The following ATP1B2 variants were observed in gnomAD, a reference collection of about 807,000 sequenced individuals.
ATP1B2 encodes ATPase Na+/K+ transporting subunit beta 2.
ATP1B2 carries 12 observed loss-of-function variants against 37.3 expected under a neutral mutation model. The ratio of observed to expected loss-of-function variants is 0.32; its 90% CI spans 0.21 to 0.52. The LOEUF (loss-of-function observed/expected upper bound fraction) is 0.52, where lower values mean the gene tolerates loss of function less well. Among genes scored for constraint, ATP1B2 ranks in the 20% least tolerant of loss-of-function variants. The probability of loss-of-function intolerance (pLI) is 0.96; values close to 1 mark genes in which losing one functional copy is unlikely to be tolerated. For missense variants in ATP1B2, 324 were observed against 391.6 expected (o/e 0.83, Z 1.46); for synonymous variants, 139 against 140.5 (o/e 0.99, Z 0.07).
intron 2 of ATP1B2, 43 bp downstream of exon 2, chr17:7,653,545 T>C (rs2150978028): frequency 1.2e-6 from 2 of 1,609,198 alleles, no homozygotes; most frequent in African/African-American, 1.3e-5. Context: ...TAACTGCTCT[T>C]GTGCCCCCAA....
At chr17:7,649,997 T>G (rs2072599780), upstream of ATP1B2, among the ~76,000 whole-genome samples, 1 of 152,168 alleles carries the variant, frequency 6.6e-6, no homozygotes, top group African/African-American at 2.4e-5. Flanking sequence ...CGGCTTGAGA[T>G]AATGATTCTT....
At chr17:7,650,388 T>C (rs149870833), upstream of ATP1B2, among the ~76,000 whole-genome samples, 77 of 152,198 alleles carry the variant, frequency 5.1e-4, no homozygotes, top group Admixed American at 3.7e-3. Context: ...GGGGGACTGG[T>C]AGCGGCTCCC....
chr17:7,655,018 C>T lies in ATP1B2; in HGVS notation c.609+334C>T, dbSNP rs1190317874. Among the ~76,000 whole-genome samples the T allele has an allele frequency of 2.0e-5, 3 of 152,104 alleles. No individual in the cohort carries two copies. The highest frequency in any genetic ancestry group is 7.2e-5 in the African/African-American group (3 of 41,422). ...CCAGATTGTCCGTATCGTTCGCTCT[C>T]CCTCCCATATGGCCCCCACCCGTCA... On this transcript the variant is annotated intron_variant, in intron 5 of 6. Coordinates refer to ENST00000250111, the MANE Select transcript of ATP1B2 (RefSeq NM_001678.5). This position sits in a 1 kb window ranked among gnomAD's most constrained non-coding sequence, Gnocchi z 4.4.
upstream of ATP1B2, among the ~76,000 whole-genome samples, chr17:7,647,559 G>A (rs924562206): frequency 2.0e-5 from 3 of 151,924 alleles, no homozygotes; most frequent in Non-Finnish European, 4.4e-5. Context: ...GGTGGCTCAC[G>A]CCTGTAATCC....
intron 1 of ATP1B2, among the ~76,000 whole-genome samples, chr17:7,651,981 G>A (rs1452134675): frequency 6.6e-6 from 1 of 152,040 alleles, no homozygotes; most frequent in Non-Finnish European, 1.5e-5. Context: ...CCCTCCCTCC[G>A]GCTCTCACTA....
Position 7,654,607 on chromosome 17 carries a change from C to G in ATP1B2, c.553-21C>G. The G allele has an allele frequency of 6.2e-7, 1 of 1,613,748 alleles. No individual in the cohort carries two copies. On this transcript the variant is annotated intron_variant, in intron 4 of 6. Transcript: ENST00000250111. This position sits in a 1 kb window ranked among gnomAD's most constrained non-coding sequence, Gnocchi z 4.9. ...GACAACTTCTTCCTCTGACTCTCTT[C>G]ACCTTCCACCCTCACTCCAGGTCAT...
upstream of ATP1B2, among the ~76,000 whole-genome samples, chr17:7,650,424 G>T (rs1296793327): frequency 6.6e-6 from 1 of 152,108 alleles, no homozygotes; most frequent in Non-Finnish European, 1.5e-5. Flanking sequence ...CTCTGGGGGT[G>T]GCCTTTATCC....
At chr17:7,648,870 T>C (rs1182118780), upstream of ATP1B2, among the ~76,000 whole-genome samples, 7 of 152,138 alleles carry the variant, frequency 4.6e-5, no homozygotes, top group African/African-American at 1.7e-4. Flanking sequence ...ACACCCATGC[T>C]GTGTCCCCAA....
chr17:7,651,607 T>C lies in ATP1B2; in HGVS notation c.89T>C (p.Met30Thr). 1 of 1,604,650 alleles carries C rather than the reference T, an allele frequency of 6.2e-7. No individual in the cohort carries two copies. Among genetic ancestry groups the C allele is most frequent in the Non-Finnish European group, 8.5e-7 (1 of 1,175,948 alleles). The change falls in exon 1 of 7, where the codon ATG (methionine) becomes ACG (threonine). Residue 30 changes from methionine (M) to threonine (T), a missense_variant. Physicochemically the swap from Met to Thr is moderately conservative, Grantham distance 81. Coordinates refer to ENST00000250111, the MANE Select transcript of ATP1B2 (RefSeq NM_001678.5). ...FVWNPRTHQF[M>T]GRTGTSWAFI... is the part of the protein sequence containing the mutation. The stretch of plus-strand genomic sequence containing the variant: ...TGGAACCCGAGGACGCACCAGTTTA[T>C]GGGCCGCACCGGGACCAGCTGGGGT...
Position 7,654,385 on chromosome 17 carries a change from A to G in ATP1B2, c.552+128A>G. 1 of 1,217,918 alleles carries G rather than the reference A, an allele frequency of 8.2e-7. No individual in the cohort carries two copies. The highest frequency in any genetic ancestry group is 1.5e-5 in the African/African-American group (1 of 66,532). The allele number at this position is 1,217,918 out of a possible 1,614,324, so 75.4% of individuals were successfully genotyped here. On this transcript the variant is annotated intron_variant, in intron 4 of 6. Coordinates refer to ENST00000250111, the MANE Select transcript of ATP1B2 (RefSeq NM_001678.5). The surrounding 1 kb of genome is among the most constrained non-coding windows in gnomAD (Gnocchi z 4.9). ...CTTGGATGTTTGTGTAGCTGAGAGAAAAAGAGAGGTGGGACTCTTGGAGGC... is the reference window on the plus strand; with the variant it reads ...CTTGGATGTTTGTGTAGCTGAGAGAGAAAGAGAGGTGGGACTCTTGGAGGC...
chr17:7,655,998 A>G lies in ATP1B2; in HGVS notation c.*103A>G, dbSNP rs747619658. 1 of 1,456,776 alleles carries G rather than the reference A, an allele frequency of 6.9e-7. No individual in the cohort carries two copies. The highest frequency in any genetic ancestry group is 9.3e-7 in the Non-Finnish European group (1 of 1,070,908). The allele number at this position is 1,456,776 out of a possible 1,614,324, so 90.2% of individuals were successfully genotyped here. On this transcript the variant is annotated 3_prime_UTR_variant, in exon 7 of 7. Coordinates refer to ENST00000250111, the MANE Select transcript of ATP1B2 (RefSeq NM_001678.5). This position sits in a 1 kb window ranked among gnomAD's most constrained non-coding sequence, Gnocchi z 4.4. ...CCACCCCAAAGGTATTTTTGATAACAGAGCTATGACTTGTCTGAGCCTCAC... is the reference window on the plus strand; with the variant it reads ...CCACCCCAAAGGTATTTTTGATAACGGAGCTATGACTTGTCTGAGCCTCAC...
chr17:7,653,899 T>C lies in ATP1B2; in HGVS notation c.300T>C (p.Thr100=). The part of the protein sequence containing the change: ...NLDVIVNVSD[T]ESWDQHVQKL... ...ATGTCATTGTCAATGTCAGTGACAC[T>C]GAAAGCTGGGACCAGCATGTTCAGA... is the stretch of plus-strand genomic sequence containing the variant. The change falls in exon 3 of 7, where the codon ACT becomes ACC. Residue 100 remains threonine (T), a synonymous_variant. Transcript: ENST00000250111. 1 of 1,614,210 alleles carries C rather than the reference T, an allele frequency of 6.2e-7. No homozygotes were observed. Among genetic ancestry groups the C allele is most frequent in the Non-Finnish European group, 8.5e-7 (1 of 1,180,036 alleles).
In ATP1B2 at chr17:7,654,796, C is replaced by T; in HGVS notation, c.609+112C>T. Reference sequence around the variant, plus strand: ...CCCTATCTTCTTTGCTCCTAGAGGCCCCATCACCATAGAAACAAGGGGGTA... The same window carrying T: ...CCCTATCTTCTTTGCTCCTAGAGGCTCCATCACCATAGAAACAAGGGGGTA... On this transcript the variant is annotated intron_variant, in intron 5 of 6. Transcript: ENST00000250111. The surrounding 1 kb of genome is among the most constrained non-coding windows in gnomAD (Gnocchi z 4.9). 1 of 1,290,238 alleles carries T rather than the reference C, an allele frequency of 7.8e-7. No individual in the cohort carries two copies. Among genetic ancestry groups the T allele is most frequent in the Non-Finnish European group, 1.1e-6 (1 of 897,704 alleles). The allele number at this position is 1,290,238 out of a possible 1,614,324, so 79.9% of individuals were successfully genotyped here.
Position 7,656,078 on chromosome 17 carries a change from C to T in ATP1B2, c.*183C>T, listed in dbSNP as rs545557757. 4.7e-5 allele frequency: 37 copies of T among 794,432 alleles called. No individual in the cohort carries two copies. In the East Asian group the frequency reaches 6.8e-4, roughly 15 times the overall value. The allele number at this position is 794,432 out of a possible 1,614,324, so 49.2% of individuals were successfully genotyped here. A position where few individuals can be genotyped will look rare whatever the true frequency, so the allele number is the denominator to read the frequency against. On this transcript the variant is annotated 3_prime_UTR_variant, in exon 7 of 7. Transcript: ENST00000250111. Reference sequence around the variant, plus strand: ...TGAAGTCCATTGCGGTTCCGTCACTCGCCTTTCCCACCAACTTCTCCCAAC... The same window carrying T: ...TGAAGTCCATTGCGGTTCCGTCACTTGCCTTTCCCACCAACTTCTCCCAAC...
At chr17:7,649,913 C>G (rs968151751), upstream of ATP1B2, among the ~76,000 whole-genome samples, 1 of 152,086 alleles carries the variant, frequency 6.6e-6, no homozygotes, top group Non-Finnish European at 1.5e-5. Flanking sequence ...AGGCTAGTCT[C>G]GAACTCCTGA....
chr17:7,657,090 A>G lies in ATP1B2; in HGVS notation c.*1195A>G, dbSNP rs1483018720. On this transcript the variant is annotated 3_prime_UTR_variant, in exon 7 of 7. Transcript: ENST00000250111. The stretch of plus-strand genomic sequence containing the variant: ...TTTTTATGGATGGCTCCCTTCCCCC[A>G]TTCGCCTTCCCAGAATATCCTTCAA... 6.6e-6 allele frequency: 1 copy of G among 151,826 alleles called. No homozygotes were observed. Among genetic ancestry groups the G allele is most frequent in the African/African-American group, 2.4e-5 (1 of 41,300 alleles). 9.4% of individuals were successfully genotyped at this position (151,826 alleles called of 1,614,324 possible).
At position 7,656,023 on chromosome 17, in the gene ATP1B2, C is replaced by G; in HGVS notation, c.*128C>G. 2.3e-6 allele frequency: 3 copies of G among 1,281,768 alleles called. No individual in the cohort carries two copies. Among genetic ancestry groups the G allele is most frequent in the Non-Finnish European group, 3.2e-6 (3 of 939,048 alleles). 79.4% of individuals were successfully genotyped at this position (1,281,768 alleles called of 1,614,324 possible). A position where few individuals can be genotyped will look rare whatever the true frequency, so the allele number is the denominator to read the frequency against. On this transcript the variant is annotated 3_prime_UTR_variant, in exon 7 of 7. Coordinates refer to ENST00000250111, the MANE Select transcript of ATP1B2 (RefSeq NM_001678.5). ...AGAGCTATGACTTGTCTGAGCCTCA[C>G]ATCCTTTTCCTTGACTTCTCAACCC...
At chr17:7,648,659 C>T (rs1306412872), upstream of ATP1B2, among the ~76,000 whole-genome samples, 1 of 150,882 alleles carries the variant, frequency 6.6e-6, no homozygotes, top group Non-Finnish European at 1.5e-5. Flanking sequence ...AGGGTCCCTG[C>T]ATTTCCATTT....
At position 7,651,647 on chromosome 17, in the gene ATP1B2, C is replaced by T. The variant is rs374075664; in HGVS notation, c.112+17C>T. On this transcript the variant is annotated intron_variant, in intron 1 of 6. Transcript: ENST00000250111. ...CCAGCTGGGGTACGCAGGGCCGGCACGCAAGGGGCGGGGGAAAGCCGCGGG... is the reference window on the plus strand; with the variant it reads ...CCAGCTGGGGTACGCAGGGCCGGCATGCAAGGGGCGGGGGAAAGCCGCGGG... 1.4e-3 allele frequency: 2,198 copies of T among 1,575,356 alleles called. 5 individuals carry two copies. Among genetic ancestry groups the T allele is most frequent in the Middle Eastern group, 4.7e-3 (24 of 5,066 alleles).
Sources: gnomAD v4.1 joint callset for allele counts (sites outside exome capture counted in the v4.1 genomes callset) on GRCh38, gnomAD v4.1.1 for gene constraint, Gnocchi (gnomAD v3.1) non-coding constraint, MANE v1.5 for transcripts, NCBI Gene and HGNC (gene_info 2026-07-23, HGNC 2026-07-21) for gene names.